Variants in MYT1L observed in about 807,000 individuals in gnomAD.
MYT1L encodes the protein myelin transcription factor 1 like, also known as myelin transcription factor 1-like protein.
Under a neutral mutation model 126.7 loss-of-function variants are expected in MYT1L, and 12 were observed. That is an observed-to-expected ratio of 0.09 (90% CI 0.06 to 0.15). The LOEUF (loss-of-function observed/expected upper bound fraction) is 0.15. Among genes scored for constraint, MYT1L ranks in the 10% least tolerant of loss-of-function variants. The pLI is 1.00. For missense variants in MYT1L, 979 were observed against 1,585.2 expected (o/e 0.62, Z 6.49); for synonymous variants, 541 against 604.2 (o/e 0.90, Z 1.53).
intron 21 of MYT1L, chr2:1,824,828 G>A (rs1258216336): frequency 6.6e-6 from 1 of 152,282 alleles, no homozygotes; most frequent in Admixed American, 6.5e-5. Context: ...AGCATTTGGT[G>A]CTTCAAGGAA....
rs755222524 is a variant in MYT1L, at chr2:1,943,363, A to T, written c.153-29T>A. ...ATTAAAAAAATAGAGAAGGCAGGGG[A>T]GAGAGAGAAAAAAAATATCTGTGTT... On this transcript the variant is annotated intron_variant, in intron 8 of 24. Transcript: ENST00000647738. This position sits in a 1 kb window ranked among gnomAD's most constrained non-coding sequence, Gnocchi z 4.4. The T allele has an allele frequency of 2.0e-6, 3 of 1,500,942 alleles. No homozygotes were observed. In the East Asian group the frequency reaches 7.2e-5, roughly 36 times the overall value. The allele number at this position is 1,500,942 out of a possible 1,614,324, so 93.0% of individuals were successfully genotyped here.
At chr2:2,248,399 A>G (rs1457875585) in intron 2 of MYT1L, among the ~76,000 whole-genome samples, 2 of 152,126 alleles carry the variant, frequency 1.3e-5, no homozygotes, top group Non-Finnish European at 2.9e-5. Flanking sequence ...AAGTCTAGTA[A>G]AGAAAAGCCC....
chr2:1,941,254 T>C (rs1464579811), intron 9 of MYT1L, among the ~76,000 whole-genome samples: 1 of 152,164 alleles, frequency 6.6e-6, no homozygotes, highest in Non-Finnish European at 1.5e-5. Context: ...ACGATACCTA[T>C]TTACAGATTT....
chr2:2,102,993 T>C (rs535864177), intron 3 of MYT1L, among the ~76,000 whole-genome samples: 17 of 151,898 alleles, frequency 1.1e-4, no homozygotes, highest in Middle Eastern at 3.5e-3. Context: ...TGCAGGGAAG[T>C]AGGAGACACA....
chr2:2,082,158 T>A (rs2075900523), intron 3 of MYT1L, among the ~76,000 whole-genome samples: 1 of 152,168 alleles, frequency 6.6e-6, no homozygotes, highest in South Asian at 2.1e-4. Flanking sequence ...ACTACATACA[T>A]ATACAAAGAA....
At chr2:2,251,293 C>T (rs1238749453) in intron 2 of MYT1L, among the ~76,000 whole-genome samples, 1 of 152,156 alleles carries the variant, frequency 6.6e-6, no homozygotes, top group Non-Finnish European at 1.5e-5. Flanking sequence ...AGTAAGATAA[C>T]AAGATAAACT....
Position 2,221,386 on chromosome 2 carries a change from G to A in MYT1L, c.-420-48398C>T, listed in dbSNP as rs922387841. ...CTAGGTAAACAGAAATCTGGTCCTG[G>A]TGGAGGTGAAGTCTGCTCAGAGCTT... On this transcript the variant is annotated intron_variant, in intron 2 of 24. Transcript: ENST00000647738. 3.3e-5 allele frequency among the ~76,000 whole-genome samples: 5 copies of A among 152,142 alleles called. No homozygotes were observed. In the East Asian group the frequency reaches 5.8e-4, roughly 18 times the overall value.
At chr2:1,948,118 T>C (rs1396886232) in intron 8 of MYT1L, among the ~76,000 whole-genome samples, 1 of 152,244 alleles carries the variant, frequency 6.6e-6, no homozygotes, top group African/African-American at 2.4e-5. Context: ...AACTTTCTGA[T>C]GAAGTGTACG....
intron 21 of MYT1L, among the ~76,000 whole-genome samples, chr2:1,837,015 G>A (rs1215384618): frequency 6.6e-6 from 1 of 152,198 alleles, no homozygotes; most frequent in African/African-American, 2.4e-5. Context: ...GCAGAAATTT[G>A]TGCCTGGCAT....
At position 1,929,924 on chromosome 2, in the gene MYT1L, C is replaced by T. The variant is rs1217065818; in HGVS notation, c.506-6661G>A. 3.3e-5 allele frequency among the ~76,000 whole-genome samples: 5 copies of T among 152,188 alleles called. No individual in the cohort carries two copies. The highest frequency in any genetic ancestry group is 7.3e-5 in the Non-Finnish European group (5 of 68,036). On this transcript the variant is annotated intron_variant, in intron 9 of 24. Transcript: ENST00000647738. This position sits in a 1 kb window ranked among gnomAD's most constrained non-coding sequence, Gnocchi z 4.7. Reference sequence around the variant, plus strand: ...CTACCTTTCAAAACCGGGACATATTCGGAGGGTCACAACGCAGTGTCATCT... The same window carrying T: ...CTACCTTTCAAAACCGGGACATATTTGGAGGGTCACAACGCAGTGTCATCT...
chr2:2,274,911 G>A (rs770821311), intron 2 of MYT1L, among the ~76,000 whole-genome samples: 2 of 152,110 alleles, frequency 1.3e-5, no homozygotes, highest in Non-Finnish European at 2.9e-5. Flanking sequence ...GCCTCCACTC[G>A]GAGAGCTGTG....
chr2:1,888,743 T>G (rs1175592824), intron 16 of MYT1L, among the ~76,000 whole-genome samples: 1 of 152,218 alleles, frequency 6.6e-6, no homozygotes. Context: ...AAACAAAGAC[T>G]TAGGTGATGG....
chr2:2,192,224 C>T (rs562841522), intron 2 of MYT1L, among the ~76,000 whole-genome samples: 1 of 152,324 alleles, frequency 6.6e-6, no homozygotes, highest in South Asian at 2.1e-4. Context: ...ATAAAACATG[C>T]GGTGCTGATG....
At chr2:2,029,272 T>C (rs758000864) in intron 4 of MYT1L, among the ~76,000 whole-genome samples, 2 of 152,212 alleles carry the variant, frequency 1.3e-5, no homozygotes, top group Admixed American at 6.5e-5. Flanking sequence ...TCCATTCGCA[T>C]GCTGCTAATA....
intron 2 of MYT1L, among the ~76,000 whole-genome samples, chr2:2,262,549 C>T (rs1330081480): frequency 3.3e-5 from 5 of 151,676 alleles, no homozygotes; most frequent in Non-Finnish European, 7.4e-5. Flanking sequence ...AAAAATTAGC[C>T]GGGCATGGTG....
At chr2:2,295,539 G>GAGAGAGAGAGAGAGACAGACAGAC (rs2095659132) in intron 1 of MYT1L, among the ~76,000 whole-genome samples, 7 of 72,306 alleles carry the variant, frequency 9.7e-5, no homozygotes, top group East Asian at 3.8e-4. Flanking sequence ...GAGAAAGATA[G>GAGAGAGAGAGAGAGACAGACAGAC]AGAGAGAGAG....
intron 2 of MYT1L, among the ~76,000 whole-genome samples, chr2:2,219,753 G>T (rs2093800103): frequency 6.6e-6 from 1 of 152,216 alleles, no homozygotes; most frequent in Admixed American, 6.5e-5. Flanking sequence ...CCAGCCAATG[G>T]AAACTGGACA....
At position 1,979,105 on chromosome 2, in the gene MYT1L, T is replaced by A. The variant is rs2304007; in HGVS notation, c.152+60A>T. The A allele has an allele frequency of 3.6e-6, 5 of 1,390,648 alleles. No individual in the cohort carries two copies. The South Asian group carries it at 3.6e-5, about 10-fold the overall frequency. The allele number at this position is 1,390,648 out of a possible 1,614,324, so 86.1% of individuals were successfully genotyped here. On this transcript the variant is annotated intron_variant, in intron 8 of 24. Transcript: ENST00000647738. This position sits in a 1 kb window ranked among gnomAD's most constrained non-coding sequence, Gnocchi z 4.0. Reference sequence around the variant, plus strand: ...TGCTCACACAGTTCATCATCAGGACTGGGTCCCCAAATAAGTCACTTTAGA... The same window carrying A: ...TGCTCACACAGTTCATCATCAGGACAGGGTCCCCAAATAAGTCACTTTAGA...
In MYT1L at chr2:1,943,140, T is replaced by C. The variant is rs1451574255; in HGVS notation, c.347A>G (p.Glu116Gly). The C allele has an allele frequency of 6.5e-7, 1 of 1,529,698 alleles. No individual in the cohort carries two copies. Among genetic ancestry groups the C allele is most frequent in the Non-Finnish European group, 8.9e-7 (1 of 1,127,644 alleles). The allele number at this position is 1,529,698 out of a possible 1,614,324, so 94.8% of individuals were successfully genotyped here. A position where few individuals can be genotyped will look rare whatever the true frequency, so the allele number is the denominator to read the frequency against. The change falls in exon 9 of 25, where the codon GAG (glutamate) becomes GGG (glycine). Residue 116 changes from glutamate (E) to glycine (G), a missense_variant. Physicochemically the swap from Glu to Gly is moderately conservative, Grantham distance 98. Coordinates refer to ENST00000647738, the MANE Select transcript of MYT1L (RefSeq NM_001303052.2). This position sits in a 1 kb window ranked among gnomAD's most constrained non-coding sequence, Gnocchi z 4.4. ...GTCCTCCTCGTCCTCATCCCCTGGC[T>C]CATCATTGTCCTCGGAGTACTCCTC... The part of the protein sequence containing the change: ...EGEEYSEDND[E>G]PGDEDEEDEE...
Sources: allele counts gnomAD v4.1 joint callset (sites outside exome capture counted in the v4.1 genomes callset), GRCh38; gene constraint gnomAD v4.1.1; non-coding constraint Gnocchi (gnomAD v3.1); transcripts MANE v1.5; gene names NCBI Gene and HGNC (gene_info 2026-07-23, HGNC 2026-07-21).